ARID4B: variants seen among roughly 807,000 people sequenced by gnomAD.
The protein encoded by ARID4B is AT-rich interactive domain-containing protein 4B.
A neutral mutation model predicts 147.5 loss-of-function variants in ARID4B; 26 were observed. The ratio of observed to expected loss-of-function variants is 0.18; its 90% CI spans 0.13 to 0.24. The LOEUF (loss-of-function observed/expected upper bound fraction) is 0.24, where lower values mean the gene tolerates loss of function less well. Ranked by LOEUF, ARID4B falls within the 10% of genes least tolerant of loss-of-function variation. ARID4B has a pLI of 1.00. For missense variants in ARID4B, 1,179 were observed against 1,511.5 expected, an observed-to-expected ratio of 0.78 and a Z score of 3.65; for synonymous variants, 512 against 507.9, an observed-to-expected ratio of 1.01 and a Z score of -0.11.
At chr1:235,197,389 A>G (rs574612092) in intron 17 of ARID4B, among the ~76,000 whole-genome samples, 1 of 152,258 alleles carries the variant, frequency 6.6e-6, no homozygotes, top group East Asian at 1.9e-4. Context: ...TTGACTAATA[A>G]ATTATATTCT....
chr1:235,189,161 G>T (rs1571928589), intron 19 of ARID4B, among the ~76,000 whole-genome samples: 1 of 152,150 alleles, frequency 6.6e-6, no homozygotes, highest in Admixed American at 6.5e-5. Context: ...AGCACTGTGG[G>T]AGGCTGAGGC....
chr1:235,250,211 TG>T (rs1669560454), intron 6 of ARID4B, among the ~76,000 whole-genome samples: 1 of 152,140 alleles, frequency 6.6e-6, no homozygotes, highest in South Asian at 2.1e-4. Context: ...GTTTATGAGA[TG>T]GGATTAATTT....
At chr1:235,205,186 C>T (rs568167552) in intron 17 of ARID4B, among the ~76,000 whole-genome samples, 1 of 151,798 alleles carries the variant, frequency 6.6e-6, no homozygotes, top group African/African-American at 2.4e-5. Flanking sequence ...CAATGGCATA[C>T]ACAACTCAAG....
chr1:235,218,152 G>A (rs1398188971), intron 16 of ARID4B, among the ~76,000 whole-genome samples: 3 of 152,132 alleles, frequency 2.0e-5, no homozygotes, highest in Non-Finnish European at 4.4e-5. Flanking sequence ...AAAGCAGGGA[G>A]TACTATATAA....
At chr1:235,312,544 A>G (rs1008353660) in intron 2 of ARID4B, among the ~76,000 whole-genome samples, 7 of 152,226 alleles carry the variant, frequency 4.6e-5, no homozygotes, top group African/African-American at 1.4e-4. Flanking sequence ...TAATTTTGCT[A>G]GAAGAACTAG....
At chr1:235,277,000 G>GA (rs751564359) in intron 2 of ARID4B, among the ~76,000 whole-genome samples, 285 of 99,330 alleles carry the variant, frequency 2.9e-3, no homozygotes, top group East Asian at 4.1e-3. Flanking sequence ...CACCATCTCC[G>GA]AAAAAAAAAA....
intron 16 of ARID4B, among the ~76,000 whole-genome samples, chr1:235,214,304 G>A (rs1666905918): frequency 6.6e-6 from 1 of 152,128 alleles, no homozygotes; most frequent in Non-Finnish European, 1.5e-5. Context: ...GTGCCGAACA[G>A]CAAGAAGCAA....
At chr1:235,298,426 TTA>T (rs1455057201) in intron 2 of ARID4B, among the ~76,000 whole-genome samples, 1 of 150,992 alleles carries the variant, frequency 6.6e-6, no homozygotes, top group Admixed American at 6.6e-5. Context: ...ACTTATATAT[TTA>T]GTCTAAAAAT....
At chr1:235,236,284 T>C (rs186163522) in intron 8 of ARID4B, among the ~76,000 whole-genome samples, 49 of 152,226 alleles carry the variant, frequency 3.2e-4, no homozygotes, top group Non-Finnish European at 6.2e-4. Context: ...GGAGATAACA[T>C]ACATCAATAA....
intron 17 of ARID4B, among the ~76,000 whole-genome samples, chr1:235,208,950 T>A (rs938085883): frequency 6.7e-6 from 1 of 150,168 alleles, no homozygotes; most frequent in African/African-American, 2.5e-5. Flanking sequence ...AATATAGTGC[T>A]AGACAATAGT....
chr1:235,175,260 C>A lies in ARID4B; in HGVS notation c.3588G>T (p.Lys1196Asn), dbSNP rs778639149. The A allele has an allele frequency of 6.2e-7, 1 of 1,614,148 alleles. No individual in the cohort carries two copies. The highest frequency in any genetic ancestry group is 1.1e-5 in the South Asian group (1 of 91,082). ...TGAGATCAGGATCCTTATCACCATT[C>A]TTTCCACATTTTCCTGGAGACTGCG... Reference protein sequence around the residue: ...ARTQSPGKCGKNGDKDPDLKE... With the variant: ...ARTQSPGKCGNNGDKDPDLKE... The change falls in exon 22 of 24, where the codon AAG (lysine) becomes AAT (asparagine). Residue 1196 changes from lysine (K) to asparagine (N), a missense_variant. Physicochemically the swap from Lys to Asn is moderately conservative, Grantham distance 94. Transcript: ENST00000264183.
chr1:235,268,768 G>A (rs963006450), intron 2 of ARID4B, among the ~76,000 whole-genome samples: 9 of 151,932 alleles, frequency 5.9e-5, no homozygotes, highest in African/African-American at 7.3e-5. Flanking sequence ...CACCCGCCTC[G>A]GCCCACGTCT....
At chr1:235,208,029 T>C (rs1472956701) in intron 17 of ARID4B, among the ~76,000 whole-genome samples, 2 of 152,220 alleles carry the variant, frequency 1.3e-5, no homozygotes, top group Non-Finnish European at 1.5e-5. Flanking sequence ...TTAATGCAGC[T>C]GGTGATCTTC....
Position 235,202,042 on chromosome 1 carries a change from T to C in ARID4B, c.1842-5927A>G, listed in dbSNP as rs77042386. 8.9e-3 allele frequency among the ~76,000 whole-genome samples: 1,342 copies of C among 150,408 alleles called. 21 individuals are homozygous for C. The highest frequency in any genetic ancestry group is 0.031 in the African/African-American group (1,294 of 41,128). On this transcript the variant is annotated intron_variant, in intron 17 of 23. Coordinates refer to ENST00000264183, the MANE Select transcript of ARID4B (RefSeq NM_016374.6). ...TACATATATATACACAATATATACA[T>C]ATATATACAATCCAGGATAGTTTAT...
At position 235,256,067 on chromosome 1, in the gene ARID4B, G is replaced by T. The variant is rs551597276; in HGVS notation, c.184-317C>A. On this transcript the variant is annotated intron_variant, in intron 4 of 23. Coordinates refer to ENST00000264183, the MANE Select transcript of ARID4B (RefSeq NM_016374.6). Reference sequence around the variant, plus strand: ...CAGGCGCCTGTAATCCCAGCTACTCGGGAGGCTGAGCCAGGAGAATTGCTT... The same window carrying T: ...CAGGCGCCTGTAATCCCAGCTACTCTGGAGGCTGAGCCAGGAGAATTGCTT... Among the ~76,000 whole-genome samples, 40 of 151,268 alleles carry T rather than the reference G, an allele frequency of 2.6e-4. 1 individual carries two copies. Among genetic ancestry groups the T allele is most frequent in the African/African-American group, 9.5e-4 (39 of 41,202 alleles).
intron 2 of ARID4B, among the ~76,000 whole-genome samples, chr1:235,321,497 T>C (rs1674833525): frequency 6.6e-6 from 1 of 152,044 alleles, no homozygotes; most frequent in Non-Finnish European, 1.5e-5. Context: ...CAGGATGAGT[T>C]ACTAGGTCCT....
At chr1:235,292,621 A>C (rs548625886) in intron 2 of ARID4B, among the ~76,000 whole-genome samples, 117 of 152,110 alleles carry the variant, frequency 7.7e-4, no homozygotes, top group African/African-American at 2.8e-3. Flanking sequence ...GTCTCAAAAA[A>C]AAAAAAAAAA....
Position 235,219,813 on chromosome 1 carries a change from C to T in ARID4B, c.1563G>A (p.Glu521=), listed in dbSNP as rs925662430. Residue 521 remains glutamate, a synonymous_variant, in exon 16 of 24, where the codon GAG becomes GAA. Transcript: ENST00000264183. ...DESLNIKVEA[E]EEKAKSGDET... ...CTTACCCAGATTTTGCTTTTTCTTCCTCAGCTTCTACCTTTATGTTGAGGG... is the reference window on the plus strand; with the variant it reads ...CTTACCCAGATTTTGCTTTTTCTTCTTCAGCTTCTACCTTTATGTTGAGGG... The T allele has an allele frequency of 6.3e-7, 1 of 1,596,972 alleles. No homozygotes were observed. The highest frequency in any genetic ancestry group is 8.5e-7 in the Non-Finnish European group (1 of 1,176,138).
chr1:235,267,582 C>G (rs938028618), intron 2 of ARID4B, among the ~76,000 whole-genome samples: 3 of 152,262 alleles, frequency 2.0e-5, no homozygotes, highest in Middle Eastern at 6.8e-3. Flanking sequence ...CCTGTAATCC[C>G]AGCACTCTGG....
Sources: gnomAD v4.1 joint callset for allele counts (sites outside exome capture counted in the v4.1 genomes callset) on GRCh38, gnomAD v4.1.1 for gene constraint, MANE v1.5 for transcripts, NCBI Gene and HGNC (gene_info 2026-07-23, HGNC 2026-07-21) for gene names.